Variants in UQCC6 observed in about 807,000 individuals in gnomAD.
UQCC6 encodes the protein protein BRAWNIN.
chr12:103,957,647 T>A, the UQCC6 span, among the ~76,000 whole-genome samples: 1 of 152,168 alleles, frequency 6.6e-6, no homozygotes, highest in East Asian at 1.9e-4. Flanking sequence ...TGTGGCCTTA[T>A]GACCTGGTGC....
chr12:103,964,284 C>G, the UQCC6 span, among the ~76,000 whole-genome samples: 7 of 151,854 alleles, frequency 4.6e-5, no homozygotes, highest in Admixed American at 2.6e-4. Flanking sequence ...TCCCGAGTAG[C>G]TGGGACTACA....
the UQCC6 span, chr12:103,956,803 G>T: frequency 1.7e-6 from 2 of 1,195,080 alleles, no homozygotes. Flanking sequence ...ACTACACCGC[G>T]CCAGGGCTGA....
At chr12:103,956,474 T>A in the UQCC6 span, 1 of 604,116 alleles carries the variant, frequency 1.7e-6, no homozygotes, top group Non-Finnish European at 3.0e-6. Flanking sequence ...GCAAATGTGA[T>A]CCTAATTTCG....
chr12:103,964,128 A>C, the UQCC6 span, among the ~76,000 whole-genome samples: 1 of 142,058 alleles, frequency 7.0e-6, no homozygotes, highest in Non-Finnish European at 1.5e-5. Context: ...CTCCTCCCAT[A>C]AGCTTTTTTT....
chr12:103,957,558 T>TA, the UQCC6 span, among the ~76,000 whole-genome samples: 1 of 152,010 alleles, frequency 6.6e-6, no homozygotes, highest in Non-Finnish European at 1.5e-5. Context: ...TGTGACCTCT[T>TA]AAGAGTGAAG....
At chr12:103,958,848 C>A in the UQCC6 span, among the ~76,000 whole-genome samples, 1 of 152,202 alleles carries the variant, frequency 6.6e-6, no homozygotes, top group Non-Finnish European at 1.5e-5. Context: ...TATATTAACT[C>A]ACTTTTTCTT....
the UQCC6 span, among the ~76,000 whole-genome samples, chr12:103,958,170 C>T: frequency 2.1e-4 from 31 of 148,880 alleles, no homozygotes; most frequent in African/African-American, 6.9e-4. Context: ...GAGCTGAGAT[C>T]GCGCCATTGC....
At chr12:103,951,206 T>C in the UQCC6 span, 29 of 191,616 alleles carry the variant, frequency 1.5e-4, no homozygotes, top group African/African-American at 6.0e-4. Context: ...TAGTTCATAG[T>C]TTTAAATAAT....
At chr12:103,956,478 A>T in the UQCC6 span, 1 of 604,788 alleles carries the variant, frequency 1.7e-6, no homozygotes, top group Non-Finnish European at 3.0e-6. Context: ...ATGTGATCCT[A>T]ATTTCGTTCA....
the UQCC6 span, among the ~76,000 whole-genome samples, chr12:103,958,215 CA>C: frequency 0.11 from 11,855 of 108,342 alleles, 637 homozygotes; most frequent in East Asian, 0.26. Flanking sequence ...GACTCCGTCT[CA>C]AAAAAAAAAA....
chr12:103,963,848 A>G, the UQCC6 span, among the ~76,000 whole-genome samples: 2 of 151,918 alleles, frequency 1.3e-5, no homozygotes, highest in Non-Finnish European at 2.9e-5. Context: ...GTTCCACAGG[A>G]TTTTCTACAT....
At chr12:103,956,967 CG>C in the UQCC6 span, 1 of 523,042 alleles carries the variant, frequency 1.9e-6, no homozygotes, top group Non-Finnish European at 3.4e-6. Flanking sequence ...CAGCCCCAAT[CG>C]TTTATCAGTG....
chr12:103,954,610 C>A, the UQCC6 span: 2 of 293,756 alleles, frequency 6.8e-6, no homozygotes, highest in Non-Finnish European at 1.3e-5. Flanking sequence ...CCAGGTCCTA[C>A]TTCCAACATT....
At chr12:103,953,680 T>C in the UQCC6 span, 1 of 664,046 alleles carries the variant, frequency 1.5e-6, no homozygotes, top group East Asian at 2.7e-5. Context: ...CCTACAGAGA[T>C]ACCCCATTGC....
chr12:103,964,315 G>A, the UQCC6 span, among the ~76,000 whole-genome samples: 8 of 152,034 alleles, frequency 5.3e-5, no homozygotes, highest in Admixed American at 2.0e-4. Context: ...ATGGGGTTTC[G>A]ACATGTTGGC....
the UQCC6 span, chr12:103,953,447 C>A: frequency 1.0e-5 from 7 of 702,382 alleles, no homozygotes; most frequent in Non-Finnish European, 1.8e-5. Context: ...GCACTGAGCA[C>A]AAGTCTAGGC....
chr12:103,951,752 T>A, the UQCC6 span: 1 of 584,792 alleles, frequency 1.7e-6, no homozygotes, highest in South Asian at 2.2e-5. Context: ...TGCTACTCAA[T>A]GATAACTCTT....
chr12:103,959,511 G>A, the UQCC6 span, among the ~76,000 whole-genome samples: 1 of 152,036 alleles, frequency 6.6e-6, no homozygotes, highest in Non-Finnish European at 1.5e-5. Context: ...TCAGGAGTTT[G>A]AGACCAGCCT....
chr12:103,953,135 T>G, the UQCC6 span, among the ~76,000 whole-genome samples: 1 of 152,110 alleles, frequency 6.6e-6, no homozygotes, highest in African/African-American at 2.4e-5. Context: ...TTGCTGAGAA[T>G]AGACCACAGG....
Sources: gnomAD v4.1 joint callset for allele counts (sites outside exome capture counted in the v4.1 genomes callset) on GRCh38, gnomAD v4.1.1 for gene constraint, MANE v1.5 for transcripts, NCBI Gene and HGNC (gene_info 2026-07-23, HGNC 2026-07-21) for gene names.